Variants in VWF observed in about 807,000 individuals in gnomAD.
VWF encodes the protein von Willebrand factor.
VWF carries 176 observed loss-of-function variants against 308.6 expected under a neutral mutation model. The ratio of observed to expected loss-of-function variants is 0.57; its 90% CI spans 0.50 to 0.65. The LOEUF is 0.65. Among genes scored for constraint, VWF ranks in the 30% least tolerant of loss-of-function variants. The probability of loss-of-function intolerance (pLI) is 0.00; values close to 1 mark genes in which losing one functional copy is unlikely to be tolerated. For missense variants in VWF, 3,146 were observed against 3,648.2 expected, an observed-to-expected ratio of 0.86 and a Z score of 3.55; for synonymous variants, 1,385 against 1,443.4, an observed-to-expected ratio of 0.96 and a Z score of 0.92.
At position 6,075,627 on chromosome 12, in the gene VWF, C is replaced by T; in HGVS notation, c.658-76G>A. 3 of 1,517,412 alleles carry T rather than the reference C, an allele frequency of 2.0e-6. No homozygotes were observed. Among genetic ancestry groups the T allele is most frequent in the Non-Finnish European group, 2.7e-6 (3 of 1,114,620 alleles). 94.0% of individuals were successfully genotyped at this position (1,517,412 alleles called of 1,614,324 possible). The stretch of plus-strand genomic sequence containing the variant: ...AGTGTGGCACTGAGACTTAGCCCTG[C>T]TAGGGAAACCAAGGCAGCTCCCTCA... On this transcript the variant is annotated intron_variant, in intron 6 of 51. Transcript: ENST00000261405. The surrounding 1 kb of genome is among the most constrained non-coding windows in gnomAD (Gnocchi z 4.7).
chr12:5,973,972 T>C (rs972363857), intron 43 of VWF, among the ~76,000 whole-genome samples: 1 of 152,190 alleles, frequency 6.6e-6, no homozygotes, highest in Non-Finnish European at 1.5e-5. Flanking sequence ...ATGCCCCTGC[T>C]TGCCTGCCAC....
chr12:6,074,141 C>T (rs1365053888), intron 7 of VWF, among the ~76,000 whole-genome samples: 1 of 152,152 alleles, frequency 6.6e-6, no homozygotes, highest in African/African-American at 2.4e-5. Flanking sequence ...TCCCATCCCT[C>T]CTCCTTTTCC....
intron 21 of VWF, among the ~76,000 whole-genome samples, chr12:6,030,269 A>G (rs1944245221): frequency 6.6e-6 from 1 of 152,204 alleles, no homozygotes; most frequent in African/African-American, 2.4e-5. Context: ...GTTCAGCATC[A>G]TCACCGCCAC....
Position 6,092,612 on chromosome 12 carries a change from AGT to A in VWF, c.657+2846_657+2847del, listed in dbSNP as rs1491446172. On this transcript the variant is annotated intron_variant, in intron 6 of 51. Coordinates refer to ENST00000261405, the MANE Select transcript of VWF (RefSeq NM_000552.5). ...ACCATGCCCAGCTAGTTAGTGAGTG[AGT>A]GAGAGTGTGTGTGTGTGTGTGTGTG... Among the ~76,000 whole-genome samples the A allele has an allele frequency of 4.4e-3, 307 of 70,486 alleles. 4 individuals are homozygous for A. Among genetic ancestry groups the A allele is most frequent in the African/African-American group, 0.017 (239 of 14,400 alleles). 46.2% of individuals were successfully genotyped at this position (70,486 alleles called of 152,430 possible).
chr12:6,030,337 A>G (rs1214380106), intron 21 of VWF, among the ~76,000 whole-genome samples: 1 of 152,184 alleles, frequency 6.6e-6, no homozygotes, highest in Non-Finnish European at 1.5e-5. Flanking sequence ...CTCACAGTTA[A>G]TACGTTATGC....
At chr12:5,990,010 T>G (rs1275488362) in intron 38 of VWF, among the ~76,000 whole-genome samples, 1 of 152,164 alleles carries the variant, frequency 6.6e-6, no homozygotes, top group African/African-American at 2.4e-5. Flanking sequence ...GTCAACTCAT[T>G]TAGGGAATAT....
intron 50 of VWF, among the ~76,000 whole-genome samples, chr12:5,950,096 T>C (rs1379890422): frequency 1.3e-5 from 2 of 152,214 alleles, no homozygotes; most frequent in East Asian, 3.8e-4. Flanking sequence ...CTTAACTCAC[T>C]TAATGGTACA....
Position 6,008,451 on chromosome 12 carries a change from C to A in VWF, c.5842+3166G>T, listed in dbSNP as rs569648678. 1.1e-3 allele frequency among the ~76,000 whole-genome samples: 168 copies of A among 152,230 alleles called. 1 individual carries two copies. The highest frequency in any genetic ancestry group is 8.6e-3 in the Admixed American group (131 of 15,300). On this transcript the variant is annotated intron_variant, in intron 34 of 51. Transcript: ENST00000261405. Reference sequence around the variant, plus strand: ...ATCATGTCAACAGATACAGATAAAGCATTTGTCATAATTCAAACACCATTT... The same window carrying A: ...ATCATGTCAACAGATACAGATAAAGAATTTGTCATAATTCAAACACCATTT...
chr12:6,052,459 C>A, intron 16 of VWF, 84 bp downstream of exon 16: 1 of 1,600,736 alleles, frequency 6.2e-7, no homozygotes, highest in Non-Finnish European at 8.6e-7. Context: ...GTTTACCCAT[C>A]CATGAAGTAA....
At chr12:5,999,196 C>G (rs951726449) in intron 34 of VWF, among the ~76,000 whole-genome samples, 2 of 152,156 alleles carry the variant, frequency 1.3e-5, no homozygotes, top group Non-Finnish European at 2.9e-5. Context: ...TAAAATTTCT[C>G]TATAACCACC....
At chr12:6,027,889 A>G (rs1430804216) in intron 22 of VWF, among the ~76,000 whole-genome samples, 1 of 132,510 alleles carries the variant, frequency 7.5e-6, no homozygotes. Context: ...CACACCCCTA[A>G]ACAAAAAAAC....
At chr12:6,065,051 G>A (rs962385491) in intron 11 of VWF, 86 bp downstream of exon 11, 52 of 1,590,026 alleles carry the variant, frequency 3.3e-5, no homozygotes, top group African/African-American at 2.3e-4. Flanking sequence ...AATGCCCCAC[G>A]CCTTCCAGGG....
intron 6 of VWF, among the ~76,000 whole-genome samples, chr12:6,092,694 G>A (rs1205760054): frequency 6.8e-6 from 1 of 147,864 alleles, no homozygotes; most frequent in East Asian, 2.0e-4. Flanking sequence ...TTCCTTCCTG[G>A]TAAGAGACCA....
At chr12:6,071,215 G>A in intron 10 of VWF, 82 bp downstream of exon 10, 14 of 1,534,682 alleles carry the variant, frequency 9.1e-6, no homozygotes, top group Non-Finnish European at 1.2e-5. Flanking sequence ...CTTGAGTTGT[G>A]GCCCTCCCTG....
intron 16 of VWF, among the ~76,000 whole-genome samples, chr12:6,050,783 C>T (rs1028558580): frequency 2.0e-5 from 3 of 152,060 alleles, no homozygotes; most frequent in African/African-American, 7.2e-5. Flanking sequence ...TGGCGAAACC[C>T]CGTCTCTACT....
At chr12:6,088,578 G>T (rs776857375) in intron 6 of VWF, among the ~76,000 whole-genome samples, 4 of 151,890 alleles carry the variant, frequency 2.6e-5, no homozygotes, top group Non-Finnish European at 4.4e-5. Flanking sequence ...CCAGCCCCCC[G>T]GAGCCTTGGG....
chr12:6,088,459 A>T (rs937843675), intron 6 of VWF, among the ~76,000 whole-genome samples: 1 of 150,078 alleles, frequency 6.7e-6, no homozygotes, highest in African/African-American at 2.5e-5. Flanking sequence ...AGCCTGGGCG[A>T]CAGAGCGAGA....
chr12:6,090,999 T>C (rs1189208008), intron 6 of VWF, among the ~76,000 whole-genome samples: 2 of 152,188 alleles, frequency 1.3e-5, no homozygotes, highest in Non-Finnish European at 2.9e-5. Flanking sequence ...CAGTCCGCCT[T>C]TGTTAGTGCC....
intron 5 of VWF, among the ~76,000 whole-genome samples, chr12:6,108,262 C>A (rs1370702079): frequency 6.7e-6 from 1 of 148,764 alleles, no homozygotes; most frequent in Non-Finnish European, 1.5e-5. Context: ...CCACTGCAAT[C>A]CGGCCTGGGT....
Sources: allele counts gnomAD v4.1 joint callset (sites outside exome capture counted in the v4.1 genomes callset), GRCh38; gene constraint gnomAD v4.1.1; non-coding constraint Gnocchi (gnomAD v3.1); transcripts MANE v1.5; gene names NCBI Gene and HGNC (gene_info 2026-07-23, HGNC 2026-07-21).